The following KCNK1 variants were observed in gnomAD, a reference collection of about 807,000 sequenced individuals.
The protein encoded by KCNK1 is potassium two pore domain channel subfamily K member 1, also known as potassium channel subfamily K member 1.
In KCNK1, 10 loss-of-function variants were observed where a neutral mutation model predicts 22.2. The observed-to-expected ratio is 0.45, with a 90% CI of 0.28 to 0.76. The LOEUF is 0.76. Ranked by LOEUF, KCNK1 falls within the 30% of genes least tolerant of loss-of-function variation. KCNK1 has a pLI of 0.14. For synonymous variants in KCNK1, 200 were observed against 186.4 expected, an observed-to-expected ratio of 1.07 and a Z score of -0.60; for missense variants, 378 against 421.0, an observed-to-expected ratio of 0.90 and a Z score of 0.89.
chr1:233,637,267 C>G (rs188448233), intron 1 of KCNK1: 50 of 149,912 alleles, frequency 3.3e-4, no homozygotes, highest in African/African-American at 1.2e-3. Context: ...GGCAGGTTCA[C>G]TGGGCTGTGT....
At position 233,654,157 on chromosome 1, in the gene KCNK1, A is replaced by G. The variant is rs372330103; in HGVS notation, c.356-12438A>G. ...CCAGTCTGATAAGGTCTCAGAGGGAAATGAGGACCATGTTATTGGACAATG... is the reference window on the plus strand; with the variant it reads ...CCAGTCTGATAAGGTCTCAGAGGGAGATGAGGACCATGTTATTGGACAATG... On this transcript the variant is annotated intron_variant, in intron 1 of 2. Transcript: ENST00000366621. Among the ~76,000 whole-genome samples, 22 of 152,104 alleles carry G rather than the reference A, an allele frequency of 1.4e-4. 1 individual carries two copies. The South Asian group carries it at 3.5e-3, about 24-fold the overall frequency.
chr1:233,657,113 A>T (rs935368254), intron 1 of KCNK1, among the ~76,000 whole-genome samples: 9 of 152,168 alleles, frequency 5.9e-5, no homozygotes, highest in African/African-American at 2.2e-4. Context: ...TAAGAAGCCC[A>T]TTTGGTTTGT....
At position 233,671,532 on chromosome 1, in the gene KCNK1, C is replaced by T. The variant is rs769008300; in HGVS notation, c.*2C>T. 2.4e-5 allele frequency: 39 copies of T among 1,613,620 alleles called. No individual in the cohort carries two copies. In the South Asian group the frequency reaches 2.6e-4, roughly 11 times the overall value. On this transcript the variant is annotated 3_prime_UTR_variant, in exon 3 of 3. Coordinates refer to ENST00000366621, the MANE Select transcript of KCNK1 (RefSeq NM_002245.4). The stretch of plus-strand genomic sequence containing the variant: ...GTGGATGGCCCTGCAAACCATTGAG[C>T]GTAGGATTTGTTGCATTATGCTAGA...
At chr1:233,625,964 C>CT (rs1347559162) in intron 1 of KCNK1, among the ~76,000 whole-genome samples, 2 of 152,064 alleles carry the variant, frequency 1.3e-5, no homozygotes, top group Admixed American at 1.3e-4. Flanking sequence ...AAACATCTGG[C>CT]TTTTATCTGA....
chr1:233,639,216 A>G (rs769825152), intron 1 of KCNK1, among the ~76,000 whole-genome samples: 12 of 152,216 alleles, frequency 7.9e-5, no homozygotes, highest in South Asian at 2.1e-4. Context: ...CTTATATAGC[A>G]TATTTTTAAC....
intron 1 of KCNK1, among the ~76,000 whole-genome samples, chr1:233,626,977 T>C (rs962398136): frequency 5.9e-5 from 9 of 152,150 alleles, no homozygotes; most frequent in African/African-American, 2.2e-4. Context: ...ATCTAGGTGG[T>C]TTCTGTTTTT....
chr1:233,624,994 A>G (rs1657662317), intron 1 of KCNK1, among the ~76,000 whole-genome samples: 1 of 152,222 alleles, frequency 6.6e-6, no homozygotes, highest in Non-Finnish European at 1.5e-5. Context: ...CACCCTCTGA[A>G]GTTTCACTGA....
chr1:233,624,072 G>A (rs918082815), intron 1 of KCNK1: 2 of 153,710 alleles, frequency 1.3e-5, no homozygotes, highest in African/African-American at 4.8e-5. Flanking sequence ...GTCATCTCTT[G>A]TTATGTGGGG....
chr1:233,618,612 G>A (rs757981209), intron 1 of KCNK1, among the ~76,000 whole-genome samples: 23 of 152,130 alleles, frequency 1.5e-4, no homozygotes, highest in East Asian at 5.8e-4. Flanking sequence ...TTGCCCAGGC[G>A]CGGTGGCTCA....
At position 233,641,510 on chromosome 1, in the gene KCNK1, T is replaced by G. The variant is rs188968830; in HGVS notation, c.356-25085T>G. Among the ~76,000 whole-genome samples the G allele has an allele frequency of 6.0e-4, 91 of 152,306 alleles. 1 individual carries two copies. In the Middle Eastern group the frequency reaches 0.027, roughly 46 times the overall value. On this transcript the variant is annotated intron_variant, in intron 1 of 2. Coordinates refer to ENST00000366621, the MANE Select transcript of KCNK1 (RefSeq NM_002245.4). ...ATCCCAATTTATAATGGCTTAAATTTATAGGAGGGACACGTAAATGTTCTC... is the reference window on the plus strand; with the variant it reads ...ATCCCAATTTATAATGGCTTAAATTGATAGGAGGGACACGTAAATGTTCTC...
chr1:233,614,433 T>C lies in KCNK1; in HGVS notation c.262T>C (p.Tyr88His), dbSNP rs1657445385. The change falls in exon 1 of 3, where the codon TAC becomes CAC. Residue 88 changes from tyrosine to histidine, a missense_variant. By Grantham distance (83) the Tyr-to-His change is moderately conservative. Coordinates refer to ENST00000366621, the MANE Select transcript of KCNK1 (RefSeq NM_002245.4). ...GGGCCGGGTGCTGGAGGCCAGCAAC[T>C]ACGGCGTGTCGGTGCTCAGCAACGC... ...FLGRVLEASN[Y>H]GVSVLSNASG... The C allele has an allele frequency of 6.2e-7, 1 of 1,613,332 alleles. No individual in the cohort carries two copies.
At chr1:233,650,269 T>C (rs1401646429) in intron 1 of KCNK1, among the ~76,000 whole-genome samples, 2 of 152,228 alleles carry the variant, frequency 1.3e-5, no homozygotes, top group Admixed American at 6.5e-5. Context: ...GGAGTCATTG[T>C]AGTCATTCTA....
chr1:233,628,282 T>C lies in KCNK1; in HGVS notation c.355+13756T>C, dbSNP rs1031589925. 9.9e-5 allele frequency among the ~76,000 whole-genome samples: 15 copies of C among 152,260 alleles called. No individual in the cohort carries two copies. In the Middle Eastern group the frequency reaches 0.01, roughly 104 times the overall value. On this transcript the variant is annotated intron_variant, in intron 1 of 2. Coordinates refer to ENST00000366621, the MANE Select transcript of KCNK1 (RefSeq NM_002245.4). ...ACCTCGAAGATGGAAACAGTAGGTA[T>C]TGGAGAATCCAGAAGAGGGAAGGAT...
intron 1 of KCNK1, among the ~76,000 whole-genome samples, chr1:233,625,550 C>T (rs1657674565): frequency 6.6e-6 from 1 of 151,918 alleles, no homozygotes; most frequent in Non-Finnish European, 1.5e-5. Flanking sequence ...GCTTCTGGGA[C>T]CTTGATTTTG....
chr1:233,633,634 G>C (rs978413195), intron 1 of KCNK1, among the ~76,000 whole-genome samples: 2 of 152,112 alleles, frequency 1.3e-5, no homozygotes, highest in African/African-American at 4.8e-5. Context: ...AATTTATTTA[G>C]TGTTTAGGAA....
intron 1 of KCNK1, chr1:233,650,019 G>A (rs1355442517): frequency 7.5e-6 from 4 of 533,456 alleles, no homozygotes; most frequent in Admixed American, 5.8e-5. Flanking sequence ...GCCTAAAGGA[G>A]AGAGCTTGAA....
chr1:233,638,157 C>T (rs1657935733), intron 1 of KCNK1, among the ~76,000 whole-genome samples: 1 of 151,976 alleles, frequency 6.6e-6, no homozygotes, highest in South Asian at 2.1e-4. Flanking sequence ...CAAACAAAGC[C>T]AAGTAAGTGT....
intron 1 of KCNK1, among the ~76,000 whole-genome samples, chr1:233,643,276 A>G (rs1334159851): frequency 6.6e-6 from 1 of 152,160 alleles, no homozygotes; most frequent in Non-Finnish European, 1.5e-5. Context: ...CTTAAAGAGT[A>G]TAAGTAAGGG....
intron 1 of KCNK1, among the ~76,000 whole-genome samples, chr1:233,662,272 C>CT (rs1245369394): frequency 2.9e-4 from 28 of 97,810 alleles, no homozygotes; most frequent in Admixed American, 1.2e-3. Context: ...TCTTCTTCTT[C>CT]TCCTCCTCCT....
Sources: gnomAD v4.1 joint callset for allele counts (sites outside exome capture counted in the v4.1 genomes callset) on GRCh38, gnomAD v4.1.1 for gene constraint, MANE v1.5 for transcripts, NCBI Gene and HGNC (gene_info 2026-07-23, HGNC 2026-07-21) for gene names.